The following SERPINB4 variants were observed in gnomAD, a reference collection of about 807,000 sequenced individuals.
The protein encoded by SERPINB4 is serpin family B member 4, also known as serpin B4.
In SERPINB4, 39 loss-of-function variants were observed where a neutral mutation model predicts 33.2. That is an observed-to-expected ratio of 1.18 (90% CI 0.91 to 1.53). The LOEUF is 1.53. Among genes scored for constraint, SERPINB4 ranks in the 40% most tolerant of loss-of-function variants. The pLI is 0.00. For synonymous variants in SERPINB4, 191 were observed against 166.4 expected (o/e 1.15, Z -1.14); for missense variants, 564 against 455.4 (o/e 1.24, Z -2.17).
chr18:63,638,384 A>ATGTGTACATATGTG (rs1689219169), intron 7 of SERPINB4, among the ~76,000 whole-genome samples: 1 of 152,072 alleles, frequency 6.6e-6, no homozygotes, highest in Non-Finnish European at 1.5e-5. Flanking sequence ...GTACATATGT[A>ATGTGTACATATGTG]TGTATACAAC....
rs184992144 is a variant in SERPINB4 at position 63,639,982 on chromosome 18, A to G, written c.470-206T>C. 3.6e-3 allele frequency among the ~76,000 whole-genome samples: 553 copies of G among 152,090 alleles called. 5 individuals are homozygous for G. The highest frequency in any genetic ancestry group is 0.012 in the African/African-American group (498 of 41,484). ...TTCAAGGCTCCAGTCGTATAAAGTT[A>G]CCCTTGATGGAGACATCACTTCTTG... On this transcript the variant is annotated intron_variant, in intron 5 of 7. Transcript: ENST00000341074.
chr18:63,643,614 A>G lies in SERPINB4; in HGVS notation c.-26-11T>C. The G allele has an allele frequency of 6.2e-7, 1 of 1,601,938 alleles. No individual in the cohort carries two copies. Among genetic ancestry groups the G allele is most frequent in the East Asian group, 2.2e-5 (1 of 44,770 alleles). ...TGTGATCTGGAACTCCTGGAAAAGC[A>G]TCAGATTCCTGTCAGAATGACTTTA... On this transcript the variant is annotated splice_polypyrimidine_tract_variant and intron_variant, in intron 1 of 7. Coordinates refer to ENST00000341074, the MANE Select transcript of SERPINB4 (RefSeq NM_002974.4).
intron 4 of SERPINB4, among the ~76,000 whole-genome samples, chr18:63,641,435 A>G (rs1414553805): frequency 2.0e-5 from 3 of 152,112 alleles, no homozygotes; most frequent in South Asian, 2.1e-4. Context: ...CATTAGTCAT[A>G]CATTTCCCAC....
chr18:63,643,459 A>G lies in SERPINB4; in HGVS notation c.119T>C (p.Met40Thr). The change falls in exon 2 of 8, where the codon ATG (methionine) becomes ACG (threonine). Residue 40 changes from methionine (M) to threonine (T), a missense_variant. Transcript: ENST00000341074. ...SPISITSALGMVLLGAKDNTA... is the reference protein window; with the variant it reads ...SPISITSALGTVLLGAKDNTA... ...GTTGTCTTTGGCTCCTAAGAGGACC[A>G]TCCCTAATGCTGATGTGATGCTGAT... 1 of 1,613,740 alleles carries G rather than the reference A, an allele frequency of 6.2e-7. No homozygotes were observed. The highest frequency in any genetic ancestry group is 8.5e-7 in the Non-Finnish European group (1 of 1,179,758).
At chr18:63,643,626 T>C (rs749369255) in intron 1 of SERPINB4, 23 bp from the exon 2 acceptor site, 3 of 1,589,018 alleles carry the variant, frequency 1.9e-6, no homozygotes, top group Non-Finnish European at 2.6e-6. Context: ...CAGATTCCTG[T>C]CAGAATGACT....
In SERPINB4 at chr18:63,637,484, C is replaced by A. The variant is rs576622613; in HGVS notation, c.*235G>T. ...ATTAAATGATTCATCTTATCTTGGA[C>A]ATTTTTCCTCAAGGGAAATTTTTCT... On this transcript the variant is annotated 3_prime_UTR_variant, in exon 8 of 8. Transcript: ENST00000341074. 2.5e-5 allele frequency: 11 copies of A among 431,722 alleles called. No homozygotes were observed. Among genetic ancestry groups the A allele is most frequent in the Admixed American group, 2.0e-4 (5 of 25,386 alleles). The allele number at this position is 431,722 out of a possible 1,614,324, so 26.7% of individuals were successfully genotyped here.
intron 7 of SERPINB4, among the ~76,000 whole-genome samples, chr18:63,638,351 T>C (rs1384488075): frequency 4.6e-5 from 7 of 151,732 alleles, no homozygotes; most frequent in African/African-American, 1.7e-4. Context: ...AACAGAATCA[T>C]GTTTTTACGT....
intron 5 of SERPINB4, 56 bp downstream of exon 5, chr18:63,640,818 A>C: frequency 6.8e-7 from 1 of 1,472,958 alleles, no homozygotes; most frequent in Admixed American, 1.7e-5. Flanking sequence ...TGTCAAGCAC[A>C]AGGCTCACTG....
At chr18:63,643,033 GTA>G (rs1913187909) in intron 3 of SERPINB4, 126 bp downstream of exon 3, 1 of 1,120,196 alleles carries the variant, frequency 8.9e-7, no homozygotes, top group Non-Finnish European at 1.3e-6. Context: ...AACCCACTCT[GTA>G]TGTCTCAATC....
At chr18:63,643,710 A>G (rs1421987578) in intron 1 of SERPINB4, 107 bp from the exon 2 acceptor site, 5 of 1,272,210 alleles carry the variant, frequency 3.9e-6, no homozygotes, top group Non-Finnish European at 5.5e-6. Context: ...AGATTTTGAC[A>G]TTTAAAGTTT....
In SERPINB4 at chr18:63,639,352, C is replaced by G. The variant is rs753856953; in HGVS notation, c.613-12G>C. 1.8e-5 allele frequency: 29 copies of G among 1,592,858 alleles called. No individual in the cohort carries two copies. In the South Asian group the frequency reaches 3.3e-4, roughly 18 times the overall value. On this transcript the variant is annotated splice_polypyrimidine_tract_variant and intron_variant, in intron 6 of 7. Transcript: ENST00000341074. ...GATTTGTATGTATTCTGCAATAAAT[C>G]AATGTGTCCAACAAATAACACGTGA... is the stretch of plus-strand genomic sequence containing the variant.
rs551735270 is a variant in SERPINB4, at chr18:63,639,147, C to A, written c.768+38G>T. On this transcript the variant is annotated intron_variant, in intron 7 of 7. Coordinates refer to ENST00000341074, the MANE Select transcript of SERPINB4 (RefSeq NM_002974.4). ...AACTTGGTATCTTTGGAAAAATGTC[C>A]GGCAGTAGAAGGAAGAGTTGTAGAT... The A allele has an allele frequency of 1.2e-5, 19 of 1,538,046 alleles. 1 individual carries two copies. Among genetic ancestry groups the A allele is most frequent in the African/African-American group, 5.5e-5 (4 of 73,178 alleles).
At position 63,637,754 on chromosome 18, in the gene SERPINB4, T is replaced by G; in HGVS notation, c.1138A>C (p.Ser380Arg). ...LFFIRQNKTN[S>R]ILFYGRFSSP The stretch of plus-strand genomic sequence containing the variant: ...GAGAATCTGCCATAGAAGAGGATGC[T>G]GTTGGTCTTATTTTGCCTTATGAAG... The change falls in exon 8 of 8, where the codon AGC becomes CGC. Residue 380 changes from serine to arginine, a missense_variant. Coordinates refer to ENST00000341074, the MANE Select transcript of SERPINB4 (RefSeq NM_002974.4). 6.2e-7 allele frequency: 1 copy of G among 1,612,696 alleles called. No homozygotes were observed. The highest frequency in any genetic ancestry group is 1.1e-5 in the South Asian group (1 of 90,900).
Position 63,637,866 on chromosome 18 carries a change from T to C in SERPINB4, c.1026A>G (p.Glu342=), listed in dbSNP as rs747745950. 10 of 1,613,550 alleles carry C rather than the reference T, an allele frequency of 6.2e-6. No homozygotes were observed. In the Admixed American group the frequency reaches 1.7e-4, roughly 27 times the overall value. Residue 342 remains glutamate, a synonymous_variant, in exon 8 of 8, where the codon GAA becomes GAG. Coordinates refer to ENST00000341074, the MANE Select transcript of SERPINB4 (RefSeq NM_002974.4). ...AFVEVTEEGV[E]AAAATAVVVV... is the part of the protein sequence containing the mutation. ...CTACTACAGCGGTGGCAGCTGCAGC[T>C]TCCACTCCCTCCTCAGTGACCTCCA...
Position 63,643,452 on chromosome 18 carries a change from G to C in SERPINB4, c.126C>G (p.Leu42=). The part of the protein sequence containing the change: ...ISITSALGMV[L]LGAKDNTAQQ... ...GTGCAGTGTTGTCTTTGGCTCCTAA[G>C]AGGACCATCCCTAATGCTGATGTGA... The change falls in exon 2 of 8, where the codon CTC becomes CTG. Residue 42 remains leucine, a synonymous_variant. Coordinates refer to ENST00000341074, the MANE Select transcript of SERPINB4 (RefSeq NM_002974.4). 6.2e-7 allele frequency: 1 copy of C among 1,613,690 alleles called. No homozygotes were observed. The highest frequency in any genetic ancestry group is 8.5e-7 in the Non-Finnish European group (1 of 1,179,732).
In SERPINB4 at chr18:63,640,369, GC is replaced by G. The variant is rs567018946; in HGVS notation, c.469+504del. Among the ~76,000 whole-genome samples, 15 of 152,136 alleles carry G rather than the reference GC, an allele frequency of 9.9e-5. No homozygotes were observed. In the East Asian group the frequency reaches 2.3e-3, roughly 24 times the overall value. Reference sequence around the variant, plus strand: ...GAATGGAGACTTTGTCAAGCTCTTTGCCCTTGATGGGGAAGAGAGCTGTGAT... The same window carrying G: ...GAATGGAGACTTTGTCAAGCTCTTTGCCTTGATGGGGAAGAGAGCTGTGAT... On this transcript the variant is annotated intron_variant, in intron 5 of 7. Transcript: ENST00000341074.
chr18:63,641,699 G>A (rs1913136378), intron 4 of SERPINB4, 61 bp downstream of exon 4: 1 of 1,611,308 alleles, frequency 6.2e-7, no homozygotes, highest in Non-Finnish European at 8.5e-7. Flanking sequence ...CTTCCATTTG[G>A]CCACTCAGAG....
In SERPINB4 at chr18:63,643,500, G is replaced by A. The variant is rs1913211181; in HGVS notation, c.78C>T (p.Asn26=). ...FQQFRKSKEN[N]IFYSPISITS... ...TGATGCTGATAGGGGAATAGAAGAT[G>A]TTGTTCTCTTTTGATTTTCTGAACT... Residue 26 remains asparagine, a synonymous_variant, in exon 2 of 8, where the codon AAC becomes AAT. Transcript: ENST00000341074. 2 of 1,613,772 alleles carry A rather than the reference G, an allele frequency of 1.2e-6. No homozygotes were observed. The highest frequency in any genetic ancestry group is 1.7e-4 in the Middle Eastern group (1 of 6,058).
At position 63,643,418 on chromosome 18, in the gene SERPINB4, T is replaced by A. The variant is rs139691918; in HGVS notation, c.160A>T (p.Ser54Cys). 9.2e-5 allele frequency: 149 copies of A among 1,613,558 alleles called. No homozygotes were observed. Among genetic ancestry groups the A allele is most frequent in the Non-Finnish European group, 1.2e-4 (137 of 1,179,694 alleles). Reference protein sequence around the residue: ...GAKDNTAQQISKVLHFDQVTE... With the variant: ...GAKDNTAQQICKVLHFDQVTE... ...GTAATGATGCTGATAGCTACCTTGC[T>A]AATTTGTTGTGCAGTGTTGTCTTTG... Residue 54 changes from serine to cysteine, a missense_variant, in exon 2 of 8, where the codon AGC (serine) becomes TGC (cysteine). Transcript: ENST00000341074.
Sources: allele counts gnomAD v4.1 joint callset (sites outside exome capture counted in the v4.1 genomes callset), GRCh38; gene constraint gnomAD v4.1.1; transcripts MANE v1.5; gene names NCBI Gene and HGNC (gene_info 2026-07-23, HGNC 2026-07-21).